The following PRKAG2 variants were observed in gnomAD, a reference collection of about 807,000 sequenced individuals.
PRKAG2 encodes protein kinase AMP-activated non-catalytic subunit gamma 2.
In PRKAG2, 26 loss-of-function variants were observed where a neutral mutation model predicts 69.6. That is an observed-to-expected ratio of 0.37 (90% CI 0.27 to 0.52). The LOEUF (loss-of-function observed/expected upper bound fraction) is 0.52. Among genes scored for constraint, PRKAG2 ranks in the 20% least tolerant of loss-of-function variants. PRKAG2 has a pLI of 0.90. For synonymous variants in PRKAG2, 293 were observed against 285.0 expected (o/e 1.03, Z -0.28); for missense variants, 557 against 740.0 (o/e 0.75, Z 2.87).
intron 1 of PRKAG2, among the ~76,000 whole-genome samples, chr7:151,804,587 G>A (rs1287643203): frequency 6.6e-6 from 1 of 152,168 alleles, no homozygotes; most frequent in Non-Finnish European, 1.5e-5. Flanking sequence ...GCATTGGACA[G>A]TTTGCTCTCC....
At chr7:151,692,202 AC>A (rs1333925556) in intron 3 of PRKAG2, among the ~76,000 whole-genome samples, 2 of 152,278 alleles carry the variant, frequency 1.3e-5, no homozygotes, top group South Asian at 2.1e-4. Context: ...CAACAAAAAA[AC>A]AAAAAAAAAT....
intron 3 of PRKAG2, among the ~76,000 whole-genome samples, chr7:151,714,425 A>G (rs914046893): frequency 3.4e-5 from 5 of 146,512 alleles, no homozygotes; most frequent in Non-Finnish European, 7.5e-5. Context: ...CTTCCCGGAG[A>G]GCCGTCCTCC....
intron 1 of PRKAG2, among the ~76,000 whole-genome samples, chr7:151,872,288 G>C (rs527309009): frequency 4.9e-4 from 75 of 152,284 alleles, no homozygotes; most frequent in East Asian, 7.7e-4. Flanking sequence ...CTTACCCTGG[G>C]GGGGGGCTTT....
intron 1 of PRKAG2, among the ~76,000 whole-genome samples, chr7:151,790,920 C>G (rs1294388144): frequency 6.6e-6 from 1 of 152,242 alleles, no homozygotes; most frequent in African/African-American, 2.4e-5. Flanking sequence ...GGATGTGAGG[C>G]CTGCTGCTAG....
Position 151,848,512 on chromosome 7 carries a change from C to CTTTTTTT in PRKAG2, c.114+27988_114+27994dup, listed in dbSNP as rs1158559692. On this transcript the variant is annotated intron_variant, in intron 1 of 15. Coordinates refer to ENST00000287878, the MANE Select transcript of PRKAG2 (RefSeq NM_016203.4). Reference sequence around the variant, plus strand: ...AACAGATGAAGAAAATACTGCATGTCTTTTTTTTTTTTTTTTTTTTTTTTT... The same window carrying CTTTTTTT: ...AACAGATGAAGAAAATACTGCATGTCTTTTTTTTTTTTTTTTTTTTTTTTTTTTTTTT... Among the ~76,000 whole-genome samples the CTTTTTTT allele has an allele frequency of 5.9e-3, 370 of 62,258 alleles. 91 individuals are homozygous for CTTTTTTT. Among genetic ancestry groups the CTTTTTTT allele is most frequent in the Middle Eastern group, 0.017 (1 of 58 alleles). The allele number at this position is 62,258 out of a possible 152,430, so 40.8% of individuals were successfully genotyped here. A position where few individuals can be genotyped will look rare whatever the true frequency, so the allele number is the denominator to read the frequency against.
chr7:151,593,678 C>T lies in PRKAG2; in HGVS notation c.864+1667G>A, dbSNP rs374025884. On this transcript the variant is annotated intron_variant, in intron 6 of 15. Transcript: ENST00000287878. ...AACATGTAGTCACAGTTCTCGAGAC[C>T]GCATCTCTTAAAACAACTGCCTACT... 1.1e-3 allele frequency among the ~76,000 whole-genome samples: 174 copies of T among 152,134 alleles called. 1 individual carries two copies. Among genetic ancestry groups the T allele is most frequent in the African/African-American group, 4.1e-3 (170 of 41,474 alleles).
chr7:151,631,571 C>T (rs1163884756), intron 5 of PRKAG2: 2 of 412,730 alleles, frequency 4.8e-6, no homozygotes, highest in Non-Finnish European at 1.0e-5. Context: ...GAACTCAACA[C>T]CGATTCAATA....
At position 151,632,693 on chromosome 7, in the gene PRKAG2, T is replaced by C; in HGVS notation, c.685-555A>G. 1 of 751,426 alleles carries C rather than the reference T, an allele frequency of 1.3e-6. No individual in the cohort carries two copies. Among genetic ancestry groups the C allele is most frequent in the Non-Finnish European group, 1.6e-6 (1 of 615,848 alleles). The allele number at this position is 751,426 out of a possible 1,614,324, so 46.5% of individuals were successfully genotyped here. On this transcript the variant is annotated intron_variant, in intron 4 of 15. Coordinates refer to ENST00000287878, the MANE Select transcript of PRKAG2 (RefSeq NM_016203.4). This position sits in a 1 kb window ranked among gnomAD's most constrained non-coding sequence, Gnocchi z 4.2. ...CCCCGGGGCGCCAGCTAGGGGATCCTTTCTCGCTTTCCTCTTCCCTTTCCA... is the reference window on the plus strand; with the variant it reads ...CCCCGGGGCGCCAGCTAGGGGATCCCTTCTCGCTTTCCTCTTCCCTTTCCA...
At chr7:151,851,113 G>A (rs2079557066) in intron 1 of PRKAG2, among the ~76,000 whole-genome samples, 1 of 152,062 alleles carries the variant, frequency 6.6e-6, no homozygotes, top group African/African-American at 2.4e-5. Flanking sequence ...TTAATGGCCT[G>A]GTAGGGAAAT....
At chr7:151,796,483 G>A (rs2077543580) in intron 1 of PRKAG2, among the ~76,000 whole-genome samples, 2 of 152,188 alleles carry the variant, frequency 1.3e-5, no homozygotes, top group African/African-American at 2.4e-5. Flanking sequence ...AAAGCACCAC[G>A]ATCACCTCCT....
At chr7:151,725,019 C>T (rs112747107) in intron 3 of PRKAG2, among the ~76,000 whole-genome samples, 84 of 152,064 alleles carry the variant, frequency 5.5e-4, no homozygotes, top group Non-Finnish European at 1.0e-3. Context: ...CCCCTTTCAC[C>T]GCGCCTGACG....
chr7:151,700,363 G>A (rs1563466036), intron 3 of PRKAG2, among the ~76,000 whole-genome samples: 1 of 152,146 alleles, frequency 6.6e-6, no homozygotes, highest in East Asian at 1.9e-4. Flanking sequence ...TAGACACGCA[G>A]ACCTCCAGGC....
rs1442065174 is a variant in PRKAG2 at position 151,850,381 on chromosome 7, G to T, written c.114+26126C>A. On this transcript the variant is annotated intron_variant, in intron 1 of 15. Coordinates refer to ENST00000287878, the MANE Select transcript of PRKAG2 (RefSeq NM_016203.4). The surrounding 1 kb of genome is among the most constrained non-coding windows in gnomAD (Gnocchi z 4.1). The stretch of plus-strand genomic sequence containing the variant: ...CCGAAGTAACCCTGCTCAGCTAATA[G>T]GTTATTTCCTCATCTTAGAAAGGAA... Among the ~76,000 whole-genome samples the T allele has an allele frequency of 6.6e-6, 1 of 152,200 alleles. No individual in the cohort carries two copies. Among genetic ancestry groups the T allele is most frequent in the African/African-American group, 2.4e-5 (1 of 41,442 alleles).
rs568514324 is a variant in PRKAG2 at position 151,603,184 on chromosome 7, C to T, written c.755-7730G>A. Among the ~76,000 whole-genome samples the T allele has an allele frequency of 2.4e-5, 3 of 123,118 alleles. No homozygotes were observed. The South Asian group carries it at 8.7e-4, about 36-fold the overall frequency. The allele number at this position is 123,118 out of a possible 152,430, so 80.8% of individuals were successfully genotyped here. The stretch of plus-strand genomic sequence containing the variant: ...CGTCCTCACCGCACACGGAGGGACA[C>T]GCTCCGTCCTCACCGCACACGGAGG... On this transcript the variant is annotated intron_variant, in intron 5 of 15. Transcript: ENST00000287878.
At chr7:151,757,793 G>A (rs540083835) in intron 3 of PRKAG2, among the ~76,000 whole-genome samples, 2 of 152,294 alleles carry the variant, frequency 1.3e-5, no homozygotes, top group South Asian at 2.1e-4. Flanking sequence ...GAAATCAACC[G>A]TGTGGGTCAG....
rs1442198643 is a variant in PRKAG2 at position 151,814,127 on chromosome 7, G to A, written c.115-27586C>T. On this transcript the variant is annotated intron_variant, in intron 1 of 15. Coordinates refer to ENST00000287878, the MANE Select transcript of PRKAG2 (RefSeq NM_016203.4). This position sits in a 1 kb window ranked among gnomAD's most constrained non-coding sequence, Gnocchi z 4.8. The stretch of plus-strand genomic sequence containing the variant: ...AGGGGAGGAGAGACAGACTCAGAGA[G>A]GAATGGAGCTGAACACGCCCACACA... 6.6e-6 allele frequency among the ~76,000 whole-genome samples: 1 copy of A among 152,192 alleles called. No homozygotes were observed. The highest frequency in any genetic ancestry group is 2.4e-5 in the African/African-American group (1 of 41,440).
At chr7:151,657,369 G>A (rs1045586380) in intron 4 of PRKAG2, among the ~76,000 whole-genome samples, 2 of 152,172 alleles carry the variant, frequency 1.3e-5, no homozygotes, top group East Asian at 3.9e-4. Context: ...ACTGTTCTGT[G>A]TGTCAGTCTC....
intron 1 of PRKAG2, among the ~76,000 whole-genome samples, chr7:151,871,584 C>T (rs1391856548): frequency 1.3e-5 from 2 of 152,196 alleles, no homozygotes; most frequent in East Asian, 1.9e-4. Context: ...CCAAGGGCCA[C>T]GTTCCCTTCC....
chr7:151,657,490 A>G (rs1302151975), intron 4 of PRKAG2, among the ~76,000 whole-genome samples: 1 of 152,236 alleles, frequency 6.6e-6, no homozygotes, highest in East Asian at 1.9e-4. Context: ...TGGTAAAATG[A>G]AAAGAACATG....
Sources: allele counts gnomAD v4.1 joint callset (sites outside exome capture counted in the v4.1 genomes callset), GRCh38; gene constraint gnomAD v4.1.1; non-coding constraint Gnocchi (gnomAD v3.1); transcripts MANE v1.5; gene names NCBI Gene and HGNC (gene_info 2026-07-23, HGNC 2026-07-21).